The following PDE5A variants were observed in gnomAD, a reference collection of about 807,000 sequenced individuals.
PDE5A encodes phosphodiesterase 5A.
In PDE5A, 67 loss-of-function variants were observed where a neutral mutation model predicts 110.2. The ratio of observed to expected loss-of-function variants is 0.61; its 90% confidence interval spans 0.50 to 0.75. PDE5A has a LOEUF of 0.75. PDE5A is among the 30% of genes least tolerant of loss of function. The probability of loss-of-function intolerance (pLI) is 0.00; values close to 1 mark genes in which losing one functional copy is unlikely to be tolerated. For missense variants in PDE5A, 862 were observed against 1,045.1 expected, an observed-to-expected ratio of 0.82 and a Z score of 2.42; for synonymous variants, 328 against 351.2, an observed-to-expected ratio of 0.93 and a Z score of 0.74.
At chr4:119,540,085 G>C (rs990698014) in intron 10 of PDE5A, among the ~76,000 whole-genome samples, 1 of 151,966 alleles carries the variant, frequency 6.6e-6, no homozygotes, top group African/African-American at 2.4e-5. Flanking sequence ...CAAGGTAGTG[G>C]TTGTATTTAA....
intron 14 of PDE5A, among the ~76,000 whole-genome samples, chr4:119,517,499 CTTT>C (rs34463475): frequency 7.0e-6 from 1 of 142,970 alleles, no homozygotes; most frequent in Non-Finnish European, 1.5e-5. Context: ...ACTGCTTTAA[CTTT>C]TTTTTTTTTT....
Position 119,607,832 on chromosome 4 carries a change from C to T in PDE5A, c.153-535G>A, listed in dbSNP as rs150894324. Among the ~76,000 whole-genome samples, 600 of 152,194 alleles carry T rather than the reference C, an allele frequency of 3.9e-3. 5 individuals carry two copies. Among genetic ancestry groups the T allele is most frequent in the African/African-American group, 0.013 (548 of 41,528 alleles). On this transcript the variant is annotated intron_variant, in intron 1 of 20. Transcript: ENST00000354960. The stretch of plus-strand genomic sequence containing the variant: ...TAAAGGCTGACTTCTATATACATAA[C>T]TTTATATATCTGATTGCAGCATACC...
intron 16 of PDE5A, 30 bp from the exon 17 acceptor site, chr4:119,505,962 A>ATT (rs774480192): frequency 3.9e-6 from 5 of 1,286,382 alleles, no homozygotes; most frequent in Non-Finnish European, 5.5e-6. Context: ...ATTGTTAGTT[A>ATT]TAATGAGTAC....
intron 2 of PDE5A, among the ~76,000 whole-genome samples, chr4:119,598,636 C>G (rs1045525590): frequency 2.0e-5 from 3 of 152,144 alleles, no homozygotes; most frequent in Non-Finnish European, 4.4e-5. Context: ...AGACAAAATA[C>G]AAGACAACAA....
intron 9 of PDE5A, chr4:119,552,082 T>C (rs1485399696): frequency 6.6e-6 from 1 of 152,206 alleles, no homozygotes; most frequent in Non-Finnish European, 1.5e-5. Flanking sequence ...TCTATAATCA[T>C]GTTAAGAACA....
intron 2 of PDE5A, among the ~76,000 whole-genome samples, chr4:119,605,576 G>A (rs1729496014): frequency 6.6e-6 from 1 of 152,050 alleles, no homozygotes; most frequent in Non-Finnish European, 1.5e-5. Context: ...GAATCTGGGA[G>A]GCAAAGGTTG....
rs200012544 is a variant in PDE5A at position 119,567,165 on chromosome 4, C to T, written c.832-21G>A. 2.9e-4 allele frequency: 452 copies of T among 1,580,812 alleles called. 1 individual carries two copies. The highest frequency in any genetic ancestry group is 3.6e-4 in the Non-Finnish European group (415 of 1,153,892). ...ACAACCTGGTATAAGGAGAGAAAAG[C>T]GACAATTTTTTTATTGACTGAAATT... On this transcript the variant is annotated intron_variant, in intron 3 of 20. Coordinates refer to ENST00000354960, the MANE Select transcript of PDE5A (RefSeq NM_001083.4).
At chr4:119,507,501 C>T (rs1725594603) in intron 16 of PDE5A, 103 bp downstream of exon 16, 1 of 752,646 alleles carries the variant, frequency 1.3e-6, no homozygotes, top group Admixed American at 3.0e-5. Context: ...AGCAGTTTTG[C>T]CAGGACATTT....
At chr4:119,529,448 C>A (rs1726453597) in intron 11 of PDE5A, among the ~76,000 whole-genome samples, 1 of 152,110 alleles carries the variant, frequency 6.6e-6, no homozygotes, top group African/African-American at 2.4e-5. Flanking sequence ...AACTTGGATT[C>A]CAGATAGATT....
chr4:119,580,476 CTGT>C (rs1324776536), intron 3 of PDE5A, among the ~76,000 whole-genome samples: 9 of 152,166 alleles, frequency 5.9e-5, no homozygotes, highest in South Asian at 4.2e-4. Context: ...TCAGTGTTTA[CTGT>C]TGTTGTTTAA....
rs749290718 is a variant in PDE5A at position 119,567,110 on chromosome 4, G to C, written c.866C>G (p.Ser289Ter). ...VGVAQAINKKSGNGGTFTEKD... is the reference protein window; with the variant it reads ...VGVAQAINKK ...TTCAGTAAATGTCCCACCGTTTCCT[G>C]ATTTCTTGTTGATGGCCTGGGCTAC... Residue 289 changes from serine to a stop codon, truncating the protein, a stop_gained, in exon 4 of 21, where the codon TCA (serine) becomes TGA (stop). Transcript: ENST00000354960. LOFTEE classifies it high-confidence loss of function. 1 of 1,613,498 alleles carries C rather than the reference G, an allele frequency of 6.2e-7. No individual in the cohort carries two copies.
chr4:119,615,878 C>T (rs1374256569), intron 1 of PDE5A, among the ~76,000 whole-genome samples: 1 of 152,132 alleles, frequency 6.6e-6, no homozygotes, highest in African/African-American at 2.4e-5. Flanking sequence ...AGACAACAGG[C>T]CCTCCACACT....
chr4:119,610,880 A>G (rs1240784049), intron 1 of PDE5A, among the ~76,000 whole-genome samples: 1 of 152,078 alleles, frequency 6.6e-6, no homozygotes, highest in Non-Finnish European at 1.5e-5. Flanking sequence ...CTCTGATCCT[A>G]TACTTACCCC....
intron 1 of PDE5A, among the ~76,000 whole-genome samples, chr4:119,622,979 G>A (rs1443259117): frequency 6.7e-6 from 1 of 149,524 alleles, no homozygotes; most frequent in Non-Finnish European, 1.5e-5. Flanking sequence ...TAAACATTTG[G>A]TTGGCAACAA....
chr4:119,600,830 T>C (rs1373948938), intron 2 of PDE5A, among the ~76,000 whole-genome samples: 1 of 152,224 alleles, frequency 6.6e-6, no homozygotes, highest in African/African-American at 2.4e-5. Flanking sequence ...CAATAGGTTG[T>C]TGATGAACAC....
chr4:119,496,310 A>G lies in PDE5A; in HGVS notation c.*2291T>C, dbSNP rs1307867782. 6.6e-6 allele frequency: 1 copy of G among 152,184 alleles called. No individual in the cohort carries two copies. The highest frequency in any genetic ancestry group is 1.9e-4 in the East Asian group (1 of 5,180). 9.4% of individuals were successfully genotyped at this position (152,184 alleles called of 1,614,324 possible). Reference sequence around the variant, plus strand: ...TTTCCAACTTGAGAAGATACTAGAAAGGAAATTAAAAATTATTTGAACCAA... The same window carrying G: ...TTTCCAACTTGAGAAGATACTAGAAGGGAAATTAAAAATTATTTGAACCAA... On this transcript the variant is annotated 3_prime_UTR_variant, in exon 21 of 21. Transcript: ENST00000354960.
rs144167834 is a variant in PDE5A at position 119,564,775 on chromosome 4, T to C, written c.993+546A>G. 4.8e-4 allele frequency among the ~76,000 whole-genome samples: 73 copies of C among 152,282 alleles called. No homozygotes were observed. The East Asian group carries it at 7.1e-3, about 15-fold the overall frequency. ...AATAGTTTCTTTAGAATTGCAACTTTAGAATTAACCTAGACAAAGCCCAGG... is the reference window on the plus strand; with the variant it reads ...AATAGTTTCTTTAGAATTGCAACTTCAGAATTAACCTAGACAAAGCCCAGG... On this transcript the variant is annotated intron_variant, in intron 5 of 20. Transcript: ENST00000354960.
chr4:119,519,199 A>G lies in PDE5A; in HGVS notation c.1906-60T>C, dbSNP rs1726026963. 8 of 1,205,798 alleles carry G rather than the reference A, an allele frequency of 6.6e-6. No homozygotes were observed. The South Asian group carries it at 8.5e-5, about 13-fold the overall frequency. 74.7% of individuals were successfully genotyped at this position (1,205,798 alleles called of 1,614,324 possible). ...CAAATATAATGTGGTGAAGGACATT[A>G]TATTACCTCTTTTCAGTAATCTTTT... On this transcript the variant is annotated intron_variant, in intron 13 of 20. Coordinates refer to ENST00000354960, the MANE Select transcript of PDE5A (RefSeq NM_001083.4).
At chr4:119,594,360 C>T (rs773231234) in intron 3 of PDE5A, among the ~76,000 whole-genome samples, 36 of 152,082 alleles carry the variant, frequency 2.4e-4, no homozygotes, top group Admixed American at 5.2e-4. Flanking sequence ...ATCCCTTTGC[C>T]GGTACAAAGC....
Sources: allele counts gnomAD v4.1 joint callset (sites outside exome capture counted in the v4.1 genomes callset), GRCh38; gene constraint gnomAD v4.1.1; transcripts MANE v1.5; gene names NCBI Gene and HGNC (gene_info 2026-07-23, HGNC 2026-07-21).